The following GRID1 variants were observed in gnomAD, a reference collection of about 807,000 sequenced individuals.
GRID1 encodes glutamate receptor ionotropic, delta-1.
Under a neutral mutation model 98.0 loss-of-function variants are expected in GRID1, and 28 were observed. That is an observed-to-expected ratio of 0.29 (90% CI 0.21 to 0.39). The LOEUF (loss-of-function observed/expected upper bound fraction) is 0.39, where lower values mean the gene tolerates loss of function less well. Ranked by LOEUF, GRID1 falls within the 10% of genes least tolerant of loss-of-function variation. GRID1 has a pLI of 1.00. For missense variants in GRID1, 1,111 were observed against 1,340.5 expected (o/e 0.83, Z 2.67); for synonymous variants, 553 against 538.5 (o/e 1.03, Z -0.37).
chr10:85,690,545 C>A (rs949131458), intron 12 of GRID1, among the ~76,000 whole-genome samples: 1 of 152,050 alleles, frequency 6.6e-6, no homozygotes, highest in African/African-American at 2.4e-5. Flanking sequence ...TCAAGACATA[C>A]CAGGTCTATG....
At chr10:85,944,657 A>G (rs1364630316) in intron 4 of GRID1, among the ~76,000 whole-genome samples, 1 of 152,234 alleles carries the variant, frequency 6.6e-6, no homozygotes, top group African/African-American at 2.4e-5. Context: ...AGTGAGAAAG[A>G]AAAGAATGGA....
rs187869115 is a variant in GRID1 at position 86,179,388 on chromosome 10, C to T, written c.520+26976G>A. On this transcript the variant is annotated intron_variant, in intron 3 of 15. Transcript: ENST00000327946. The stretch of plus-strand genomic sequence containing the variant: ...ATTCAAATTTCTCTGAGGCTCTCCC[C>T]GATGGCGTGCCAGGCAGCTTCACTG... 3.1e-3 allele frequency among the ~76,000 whole-genome samples: 478 copies of T among 152,276 alleles called. 7 individuals are homozygous for T. The highest frequency in any genetic ancestry group is 3.8e-3 in the Admixed American group (58 of 15,302).
At chr10:86,223,534 A>G (rs1846292682) in intron 2 of GRID1, among the ~76,000 whole-genome samples, 1 of 152,158 alleles carries the variant, frequency 6.6e-6, no homozygotes, top group Admixed American at 6.5e-5. Flanking sequence ...TTTCCCAGTC[A>G]CACCCAAGGC....
chr10:86,225,937 G>A (rs1328230200), intron 2 of GRID1, among the ~76,000 whole-genome samples: 2 of 152,082 alleles, frequency 1.3e-5, no homozygotes, highest in Non-Finnish European at 2.9e-5. Flanking sequence ...GGCATTCGTG[G>A]GGTCTTTTCT....
At chr10:86,245,502 CCATTCCTCCTCTACCATTT>C (rs1846709907) in intron 2 of GRID1, among the ~76,000 whole-genome samples, 1 of 145,160 alleles carries the variant, frequency 6.9e-6, no homozygotes, top group Non-Finnish European at 1.6e-5. Context: ...TTGCTTTACT[CCATTCCTCCTCTACCATTT>C]GCTTTACTCC....
chr10:85,806,842 C>T (rs990261044), intron 8 of GRID1, among the ~76,000 whole-genome samples: 2 of 152,048 alleles, frequency 1.3e-5, no homozygotes, highest in East Asian at 3.9e-4. Flanking sequence ...GGTTCTAGTG[C>T]TTAAATAGGG....
chr10:85,750,023 C>T (rs996204312), intron 8 of GRID1, among the ~76,000 whole-genome samples: 1 of 152,112 alleles, frequency 6.6e-6, no homozygotes, highest in Non-Finnish European at 1.5e-5. Context: ...TGCATGAGGA[C>T]AGAGTATTGT....
At chr10:85,923,967 G>A (rs747908317) in intron 4 of GRID1, among the ~76,000 whole-genome samples, 2 of 152,030 alleles carry the variant, frequency 1.3e-5, no homozygotes, top group Non-Finnish European at 2.9e-5. Flanking sequence ...GTTGTCAAAG[G>A]ATTTTTTTGC....
At chr10:85,937,869 G>A (rs1331303192) in intron 4 of GRID1, among the ~76,000 whole-genome samples, 5 of 152,172 alleles carry the variant, frequency 3.3e-5, no homozygotes, top group Admixed American at 1.3e-4. Context: ...CAACACTGCC[G>A]AGGTTGAGAA....
intron 8 of GRID1, among the ~76,000 whole-genome samples, chr10:85,821,242 G>C (rs1441695377): frequency 6.6e-6 from 1 of 151,856 alleles, no homozygotes; most frequent in Non-Finnish European, 1.5e-5. Context: ...ATCAGGCTGG[G>C]CACGGTGGCT....
rs1011150075 is a variant in GRID1, at chr10:86,024,964, G to A, written c.727-108725C>T. ...GAGTCTTTATACCAGGCTAATTCCAGGAAAGCTAGCCTGAGGAGTTTGCAG... is the reference window on the plus strand; with the variant it reads ...GAGTCTTTATACCAGGCTAATTCCAAGAAAGCTAGCCTGAGGAGTTTGCAG... On this transcript the variant is annotated intron_variant, in intron 4 of 15. Coordinates refer to ENST00000327946, the MANE Select transcript of GRID1 (RefSeq NM_017551.3). Among the ~76,000 whole-genome samples the A allele has an allele frequency of 1.9e-4, 29 of 152,326 alleles. No homozygotes were observed. The East Asian group carries it at 5.2e-3, about 27-fold the overall frequency.
intron 15 of GRID1, among the ~76,000 whole-genome samples, chr10:85,611,313 C>A (rs1422931897): frequency 6.6e-6 from 1 of 152,176 alleles, no homozygotes; most frequent in Non-Finnish European, 1.5e-5. Flanking sequence ...AAGCTAAAAG[C>A]AGACAATGAC....
intron 13 of GRID1, among the ~76,000 whole-genome samples, chr10:85,638,761 A>T (rs1349395526): frequency 6.6e-6 from 1 of 152,244 alleles, no homozygotes; most frequent in Non-Finnish European, 1.5e-5. Flanking sequence ...CTCAATAAAT[A>T]TTAACAAAAG....
At chr10:86,310,122 AC>A (rs924320125) in intron 2 of GRID1, among the ~76,000 whole-genome samples, 1 of 152,116 alleles carries the variant, frequency 6.6e-6, no homozygotes, top group African/African-American at 2.4e-5. Context: ...CAGTGCCCTC[AC>A]CCTCACCTGG....
chr10:85,817,712 T>C (rs954328683), intron 8 of GRID1, among the ~76,000 whole-genome samples: 2 of 151,900 alleles, frequency 1.3e-5, no homozygotes, highest in African/African-American at 4.8e-5. Context: ...GCCAACATGG[T>C]GAAACCCCAT....
intron 2 of GRID1, among the ~76,000 whole-genome samples, chr10:86,307,371 TAAATCCTGCC>T (rs964861956): frequency 1.3e-5 from 2 of 152,158 alleles, no homozygotes; most frequent in African/African-American, 4.8e-5. Flanking sequence ...AAAAAAGAAT[TAAATCCTGCC>T]ATTTGCAATA....
intron 15 of GRID1, chr10:85,606,472 T>C (rs1842665617): frequency 6.6e-6 from 1 of 152,206 alleles, no homozygotes. Flanking sequence ...TTTGGTTATT[T>C]AACTGAATAA....
chr10:85,606,181 A>G (rs544040950), intron 15 of GRID1: 8 of 152,336 alleles, frequency 5.3e-5, no homozygotes, highest in African/African-American at 1.9e-4. Context: ...TCTCAAATCA[A>G]GTATGGATGA....
At chr10:85,800,609 T>C (rs1842566897) in intron 8 of GRID1, among the ~76,000 whole-genome samples, 2 of 152,072 alleles carry the variant, frequency 1.3e-5, no homozygotes, top group African/African-American at 4.8e-5. Context: ...CCAATTCTTA[T>C]ATTAGAAGAG....
Sources: gnomAD v4.1 joint callset for allele counts (sites outside exome capture counted in the v4.1 genomes callset) on GRCh38, gnomAD v4.1.1 for gene constraint, MANE v1.5 for transcripts, NCBI Gene and HGNC (gene_info 2026-07-23, HGNC 2026-07-21) for gene names.